Variants in DOK5 observed in about 807,000 individuals in gnomAD.
DOK5 encodes docking protein 5.
Under a neutral mutation model 43.3 loss-of-function variants are expected in DOK5, and 27 were observed. The ratio of observed to expected loss-of-function variants is 0.62; its 90% confidence interval spans 0.46 to 0.86. The LOEUF (loss-of-function observed/expected upper bound fraction) is 0.86, where lower values mean the gene tolerates loss of function less well. Ranked by LOEUF, DOK5 falls within the 40% of genes least tolerant of loss-of-function variation. DOK5 has a pLI of 0.00. For synonymous variants in DOK5, 146 were observed against 140.1 expected (o/e 1.04, Z -0.30); for missense variants, 373 against 392.9 (o/e 0.95, Z 0.43).
intron 1 of DOK5, among the ~76,000 whole-genome samples, chr20:54,518,391 T>C (rs1983276746): frequency 1.3e-5 from 2 of 152,044 alleles, no homozygotes; most frequent in Non-Finnish European, 2.9e-5. Context: ...TTTTTGTCCT[T>C]GTGATAGTTT....
At chr20:54,580,771 G>T (rs1985614014) in intron 2 of DOK5, among the ~76,000 whole-genome samples, 1 of 151,864 alleles carries the variant, frequency 6.6e-6, no homozygotes, top group Non-Finnish European at 1.5e-5. Flanking sequence ...ATATATTTTG[G>T]CTATTAACCC....
At chr20:54,605,001 C>CAAAAAAAAAA (rs71196456) in intron 5 of DOK5, among the ~76,000 whole-genome samples, 1 of 108,958 alleles carries the variant, frequency 9.2e-6, no homozygotes, top group African/African-American at 4.5e-5. Flanking sequence ...GACTGTGTCT[C>CAAAAAAAAAA]AAAAAAAAAA....
intron 1 of DOK5, among the ~76,000 whole-genome samples, chr20:54,479,015 GAATA>G (rs1236863134): frequency 6.6e-6 from 1 of 151,652 alleles, no homozygotes; most frequent in East Asian, 1.9e-4. Context: ...TTATACATAG[GAATA>G]AATATATACA....
At chr20:54,639,261 A>G (rs1978994165) in intron 6 of DOK5, among the ~76,000 whole-genome samples, 1 of 152,208 alleles carries the variant, frequency 6.6e-6, no homozygotes, top group African/African-American at 2.4e-5. Context: ...GCTCCTGTTC[A>G]TGTGGCTGCA....
intron 1 of DOK5, among the ~76,000 whole-genome samples, chr20:54,544,731 C>T (rs1666847125): frequency 6.6e-6 from 1 of 152,108 alleles, no homozygotes; most frequent in Non-Finnish European, 1.5e-5. Context: ...GGAAAACAGT[C>T]CTGTGTACTG....
intron 2 of DOK5, among the ~76,000 whole-genome samples, chr20:54,584,498 T>A (rs1460586412): frequency 1.3e-5 from 2 of 151,720 alleles, no homozygotes; most frequent in Non-Finnish European, 2.9e-5. Flanking sequence ...TTCATCTTTT[T>A]ATTATGTATC....
At chr20:54,601,332 T>C (rs1986291532) in intron 5 of DOK5, among the ~76,000 whole-genome samples, 1 of 152,252 alleles carries the variant, frequency 6.6e-6, no homozygotes, top group Non-Finnish European at 1.5e-5. Flanking sequence ...CCAACCCATT[T>C]CTTATAACTG....
chr20:54,538,082 C>T (rs988865895), intron 1 of DOK5, among the ~76,000 whole-genome samples: 2 of 151,888 alleles, frequency 1.3e-5, no homozygotes, highest in African/African-American at 4.8e-5. Flanking sequence ...CATCCTCCTC[C>T]CGACTCGGCC....
intron 6 of DOK5, among the ~76,000 whole-genome samples, chr20:54,626,545 T>C (rs1987136481): frequency 6.6e-6 from 1 of 152,228 alleles, no homozygotes; most frequent in Admixed American, 6.5e-5. Context: ...TTTTTATAAT[T>C]TGTTTACATG....
intron 1 of DOK5, among the ~76,000 whole-genome samples, chr20:54,496,722 C>T (rs6098020): frequency 0.052 from 7,475 of 144,138 alleles, 678 homozygotes; most frequent in African/African-American, 0.18. Context: ...GCCGAGATCG[C>T]ACCACTGCAC....
intron 1 of DOK5, among the ~76,000 whole-genome samples, chr20:54,498,120 C>T (rs777184610): frequency 2.2e-4 from 34 of 152,272 alleles, no homozygotes; most frequent in Non-Finnish European, 4.1e-4. Flanking sequence ...AGATCATGTT[C>T]ATCCATATGT....
chr20:54,584,433 C>T (rs1451582804), intron 2 of DOK5, among the ~76,000 whole-genome samples: 1 of 151,560 alleles, frequency 6.6e-6, no homozygotes, highest in Non-Finnish European at 1.5e-5. Flanking sequence ...ACTTCAATCA[C>T]ATACAAAAGC....
At chr20:54,588,637 T>C in intron 3 of DOK5, 40 bp downstream of exon 3, 2 of 1,614,112 alleles carry the variant, frequency 1.2e-6, no homozygotes, top group Non-Finnish European at 1.7e-6. Context: ...TGCTTTTAGA[T>C]TCTGAATGGA....
chr20:54,573,613 G>A (rs1415970088), intron 2 of DOK5, among the ~76,000 whole-genome samples: 1 of 150,840 alleles, frequency 6.6e-6, no homozygotes, highest in Non-Finnish European at 1.5e-5. Context: ...CTTGAATCTG[G>A]GAGGCAGAGG....
intron 1 of DOK5, among the ~76,000 whole-genome samples, chr20:54,516,419 C>G (rs1342897385): frequency 1.3e-5 from 2 of 152,180 alleles, no homozygotes; most frequent in Non-Finnish European, 2.9e-5. Context: ...CTTAAAGAGG[C>G]TTTTACAACA....
rs142546512 is a variant in DOK5, at chr20:54,574,333, G to T, written c.175-14150G>T. ...GTTTGAACTTGTGGTTGTGATAACA[G>T]CCAGCTGGCTATTTCTGCTGAGATA... On this transcript the variant is annotated intron_variant, in intron 2 of 7. Coordinates refer to ENST00000262593, the MANE Select transcript of DOK5 (RefSeq NM_018431.5). Among the ~76,000 whole-genome samples the T allele has an allele frequency of 6.3e-3, 954 of 152,114 alleles. 9 individuals are homozygous for T. The highest frequency in any genetic ancestry group is 0.011 in the Non-Finnish European group (744 of 68,006).
At chr20:54,595,979 G>A (rs6023393) in intron 5 of DOK5, among the ~76,000 whole-genome samples, 1 of 152,186 alleles carries the variant, frequency 6.6e-6, no homozygotes, top group African/African-American at 2.4e-5. Flanking sequence ...TGACCTGGAA[G>A]GATGCTGGGC....
At chr20:54,500,631 G>A (rs368987887) in intron 1 of DOK5, among the ~76,000 whole-genome samples, 76 of 144,904 alleles carry the variant, frequency 5.2e-4, no homozygotes, top group African/African-American at 1.5e-3. Context: ...GCACGATCTC[G>A]GCTCACCACA....
At chr20:54,506,524 T>C (rs556616414) in intron 1 of DOK5, among the ~76,000 whole-genome samples, 1 of 152,302 alleles carries the variant, frequency 6.6e-6, no homozygotes, top group South Asian at 2.1e-4. Context: ...TCAGTGGCAC[T>C]ATCATGGCTC....
Sources: allele counts gnomAD v4.1 joint callset (sites outside exome capture counted in the v4.1 genomes callset), GRCh38; gene constraint gnomAD v4.1.1; transcripts MANE v1.5; gene names NCBI Gene and HGNC (gene_info 2026-07-23, HGNC 2026-07-21).